TRAPPC2: variants seen among roughly 807,000 people sequenced by gnomAD.
TRAPPC2 encodes trafficking protein particle complex subunit 2, also known as sedlin.
TRAPPC2 carries 4 observed loss-of-function variants against 10.0 expected under a neutral mutation model. The observed-to-expected ratio is 0.40, with a 90% CI of 0.20 to 0.92. The LOEUF (loss-of-function observed/expected upper bound fraction) is 0.92, where lower values mean the gene tolerates loss of function less well. Among genes scored for constraint, TRAPPC2 ranks in the 40% least tolerant of loss-of-function variants. The pLI, the probability that TRAPPC2 is intolerant of heterozygous loss-of-function variation, is 0.35. For missense variants in TRAPPC2, 52 were observed against 108.7 expected (o/e 0.48, Z 2.32); for synonymous variants, 36 against 37.3 (o/e 0.97, Z 0.12).
At chrX:13,724,400 T>TAA (rs772302164) in intron 2 of TRAPPC2, among the ~76,000 whole-genome samples, 11 of 82,309 alleles carry the variant, frequency 1.3e-4, no homozygotes, top group Non-Finnish European at 1.4e-4. Flanking sequence ...AATATATATT[T>TAA]AAAAAAAAAA....
chrX:13,722,208 C>CCAAAAAA (rs1555898002), intron 2 of TRAPPC2: 3 of 36,116 alleles, frequency 8.3e-5, no homozygotes, highest in African/African-American at 3.6e-4. Context: ...TAAGCAGCAG[C>CCAAAAAA]AAAAAAAAAA....
At chrX:13,717,037 A>T (rs1403981163) in intron 3 of TRAPPC2, among the ~76,000 whole-genome samples, 1 of 17,497 alleles carries the variant, frequency 5.7e-5, no homozygotes, top group Non-Finnish European at 9.4e-5. Flanking sequence ...ACTATGTTAA[A>T]AAAAAAAAAA....
chrX:13,725,722 C>T (rs745568664), intron 2 of TRAPPC2, among the ~76,000 whole-genome samples: 2 of 112,329 alleles, frequency 1.8e-5, no homozygotes, highest in Admixed American at 9.4e-5. Context: ...TGCAGCTCCT[C>T]GCCAGCAATG....
At chrX:13,718,318 G>A (rs772063228) in intron 3 of TRAPPC2, among the ~76,000 whole-genome samples, 5 of 113,319 alleles carry the variant, frequency 4.4e-5, no homozygotes, top group Non-Finnish European at 9.4e-5. Context: ...CCATGACAAA[G>A]CTAAGTGAAT....
intron 3 of TRAPPC2, among the ~76,000 whole-genome samples, chrX:13,717,631 C>T (rs1281708260): frequency 3.6e-5 from 4 of 109,930 alleles, no homozygotes; most frequent in African/African-American, 1.0e-4. Context: ...CCCAGCTACT[C>T]GGGAGGCTGA....
rs1325638969 is a variant in TRAPPC2 at position 13,734,615 on chromosome X, T to C, written c.-252A>G. On this transcript the variant is annotated 5_prime_UTR_variant, in exon 1 of 6. Coordinates refer to ENST00000380579, the MANE Select transcript of TRAPPC2 (RefSeq NM_001011658.4). ...CCTGTAGCCAGAACGCCGAAGCAGT[T>C]CTCGCGATACCCTGGGATGTGCTCT... The C allele has an allele frequency of 1.2e-6, 1 of 801,287 alleles. No individual in the cohort carries two copies. The highest frequency in any genetic ancestry group is 2.2e-5 in the African/African-American group (1 of 46,343). 66.0% of individuals were successfully genotyped at this position (801,287 alleles called of 1,213,427 possible). A position where few individuals can be genotyped will look rare whatever the true frequency, so the allele number is the denominator to read the frequency against.
chrX:13,720,081 A>G, intron 2 of TRAPPC2, 99 bp from the exon 3 acceptor site: 1 of 606,616 alleles, frequency 1.6e-6, no homozygotes, highest in East Asian at 3.8e-5. Context: ...TTTAAACCTG[A>G]CATTGTAGAG....
chrX:13,717,044 A>C (rs1209720366), intron 3 of TRAPPC2, among the ~76,000 whole-genome samples: 1 of 102,450 alleles, frequency 9.8e-6, no homozygotes, highest in Non-Finnish European at 2.0e-5. Context: ...TAAAAAAAAA[A>C]AAAAAAAAAA....
chrX:13,719,230 T>C (rs963070275), intron 3 of TRAPPC2, among the ~76,000 whole-genome samples: 1 of 83,954 alleles, frequency 1.2e-5, no homozygotes, highest in Non-Finnish European at 2.3e-5. Context: ...TTAAAATATA[T>C]GGTCCATTTC....
rs2046671249 is a variant in TRAPPC2, at chrX:13,731,267, G to C, written c.-20+2777C>G. The stretch of plus-strand genomic sequence containing the variant: ...AAACAGGAAAAAGGCTTATCTCCTA[G>C]TCTATAACAGGGTACATTCAGAGCG... On this transcript the variant is annotated intron_variant, in intron 2 of 5. Coordinates refer to ENST00000380579, the MANE Select transcript of TRAPPC2 (RefSeq NM_001011658.4). Among the ~76,000 whole-genome samples the C allele has an allele frequency of 1.8e-5, 2 of 112,029 alleles. 1 individual carries two copies. Among genetic ancestry groups the C allele is most frequent in the African/African-American group, 6.5e-5 (2 of 30,821 alleles).
chrX:13,724,611 A>G (rs1025178561), intron 2 of TRAPPC2, among the ~76,000 whole-genome samples: 1 of 111,854 alleles, frequency 8.9e-6, no homozygotes. Flanking sequence ...AGGTATATTA[A>G]GAAAACGTCT....
Position 13,734,602 on chromosome X carries a change from A to G in TRAPPC2, c.-239T>C. 1 of 731,650 alleles carries G rather than the reference A, an allele frequency of 1.4e-6. No individual in the cohort carries two copies. Among genetic ancestry groups the G allele is most frequent in the Non-Finnish European group, 1.7e-6 (1 of 590,298 alleles). The allele number at this position is 731,650 out of a possible 1,213,427, so 60.3% of individuals were successfully genotyped here. A position where few individuals can be genotyped will look rare whatever the true frequency, so the allele number is the denominator to read the frequency against. On this transcript the variant is annotated 5_prime_UTR_variant, in exon 1 of 6. Coordinates refer to ENST00000380579, the MANE Select transcript of TRAPPC2 (RefSeq NM_001011658.4). ...CCCGCGCCCCGAACCTGTAGCCAGA[A>G]CGCCGAAGCAGTTCTCGCGATACCC... is the stretch of plus-strand genomic sequence containing the variant.
At chrX:13,730,181 G>A (rs1310000535) in intron 2 of TRAPPC2, among the ~76,000 whole-genome samples, 1 of 110,181 alleles carries the variant, frequency 9.1e-6, no homozygotes, top group East Asian at 2.8e-4. Flanking sequence ...ATCTGACGAA[G>A]GGCTAATATC....
intron 2 of TRAPPC2, among the ~76,000 whole-genome samples, chrX:13,733,799 TG>T (rs1194705158): frequency 9.1e-6 from 1 of 110,403 alleles, no homozygotes; most frequent in Non-Finnish European, 1.9e-5. Flanking sequence ...CTTCCTGTGA[TG>T]TTCTCCTTTT....
chrX:13,714,616 A>C, intron 5 of TRAPPC2, 111 bp from the exon 6 acceptor site: 2 of 410,984 alleles, frequency 4.9e-6, no homozygotes, highest in South Asian at 1.4e-4. Context: ...CCAAAGTCTA[A>C]AGACCACATT....
chrX:13,724,748 T>C (rs923392014), intron 2 of TRAPPC2, among the ~76,000 whole-genome samples: 2 of 112,381 alleles, frequency 1.8e-5, no homozygotes, highest in African/African-American at 6.5e-5. Flanking sequence ...TTGGGACTGG[T>C]TGGACAGTGG....
chrX:13,729,783 C>A (rs764936787), intron 2 of TRAPPC2, among the ~76,000 whole-genome samples: 1 of 111,428 alleles, frequency 9.0e-6, no homozygotes, highest in East Asian at 2.8e-4. Context: ...TGGCACATGC[C>A]TGTAATCCCT....
intron 2 of TRAPPC2, among the ~76,000 whole-genome samples, chrX:13,732,749 G>A (rs1276318832): frequency 8.8e-6 from 1 of 113,023 alleles, no homozygotes; most frequent in Non-Finnish European, 1.9e-5. Context: ...CAGTGAACTT[G>A]GAAGTCTCTT....
intron 2 of TRAPPC2, among the ~76,000 whole-genome samples, chrX:13,727,767 G>C (rs1383479973): frequency 8.9e-6 from 1 of 111,858 alleles, no homozygotes; most frequent in Non-Finnish European, 1.9e-5. Flanking sequence ...AACTGAAAGA[G>C]ATAAACACAC....
Sources: allele counts gnomAD v4.1 joint callset (sites outside exome capture counted in the v4.1 genomes callset), GRCh38; gene constraint gnomAD v4.1.1; transcripts MANE v1.5; gene names NCBI Gene and HGNC (gene_info 2026-07-23, HGNC 2026-07-21).